ASTL: variants seen among roughly 807,000 people sequenced by gnomAD.
The protein encoded by ASTL is astacin like metalloendopeptidase.
Under a neutral mutation model 36.7 loss-of-function variants are expected in ASTL, and 27 were observed. The ratio of observed to expected loss-of-function variants is 0.73; its 90% CI spans 0.54 to 1.01. The LOEUF is 1.01. ASTL is among the 50% of genes least tolerant of loss of function. The pLI is 0.00. For missense variants in ASTL, 524 were observed against 572.8 expected (o/e 0.91, Z 0.87); for synonymous variants, 222 against 228.1 (o/e 0.97, Z 0.24).
chr2:96,123,923 G>A lies in ASTL; in HGVS notation c.1223C>T (p.Pro408Leu). 1.2e-6 allele frequency: 2 copies of A among 1,614,018 alleles called. No homozygotes were observed. The highest frequency in any genetic ancestry group is 1.7e-6 in the Non-Finnish European group (2 of 1,179,968). Reference sequence around the variant, plus strand: ...TGGCAGAGCTGGGCTTCCCTGGACAGGGACTGGCTGGATTCCTGCTTCTGA... The same window carrying A: ...TGGCAGAGCTGGGCTTCCCTGGACAAGGACTGGCTGGATTCCTGCTTCTGA... ...PSSEAGIQPV[P>L]VQGSPALPGG... Residue 408 changes from proline (P) to leucine (L), a missense_variant, in exon 9 of 9, where the codon CCT (proline) becomes CTT (leucine). Transcript: ENST00000342380.
chr2:96,137,711 C>G lies in ASTL; in HGVS notation c.56-11G>C. ...CTCCTAGGATCACACCTGGTCCAGA[C>G]AGACAGGGGCATACACAGATGCCTG... On this transcript the variant is annotated splice_polypyrimidine_tract_variant and intron_variant, in intron 1 of 8. Coordinates refer to ENST00000342380, the MANE Select transcript of ASTL (RefSeq NM_001002036.4). The G allele has an allele frequency of 6.2e-7, 1 of 1,609,452 alleles. No homozygotes were observed. The highest frequency in any genetic ancestry group is 1.7e-5 in the Admixed American group (1 of 59,898).
chr2:96,138,507 C>T (rs1198999920), upstream of ASTL: 2 of 1,304,764 alleles, frequency 1.5e-6, no homozygotes, highest in African/African-American at 2.9e-5. Flanking sequence ...AATTGCAGAA[C>T]CGGCACCACC....
chr2:96,124,856 G>C lies in ASTL; in HGVS notation c.875-585C>G, dbSNP rs549333943. 6.6e-6 allele frequency among the ~76,000 whole-genome samples: 1 copy of C among 152,236 alleles called. No homozygotes were observed. The highest frequency in any genetic ancestry group is 1.9e-4 in the East Asian group (1 of 5,176). ...CATCCCAGTTCCTCCTGCGCATGCAGCGAGGGCTTCACCAGGAGCCTCTTC... is the reference window on the plus strand; with the variant it reads ...CATCCCAGTTCCTCCTGCGCATGCACCGAGGGCTTCACCAGGAGCCTCTTC... On this transcript the variant is annotated intron_variant, in intron 8 of 8. Transcript: ENST00000342380. The surrounding 1 kb of genome is among the most constrained non-coding windows in gnomAD (Gnocchi z 4.1).
intron 5 of ASTL, among the ~76,000 whole-genome samples, chr2:96,133,180 C>A (rs1682220805): frequency 6.6e-6 from 1 of 152,192 alleles, no homozygotes. Flanking sequence ...AACCTCCTCT[C>A]CTCACCACCT....
At chr2:96,126,505 C>T (rs938207299) in intron 8 of ASTL, among the ~76,000 whole-genome samples, 2 of 152,258 alleles carry the variant, frequency 1.3e-5, no homozygotes, top group African/African-American at 4.8e-5. Flanking sequence ...GAAGTGTCAG[C>T]AAGGATGGGA....
Position 96,132,665 on chromosome 2 carries a change from G to A in ASTL, c.512C>T (p.Thr171Met), listed in dbSNP as rs200103398. The change falls in exon 6 of 9, where the codon ACG becomes ATG. Residue 171 changes from threonine to methionine, a missense_variant. Transcript: ENST00000342380. This position sits in a 1 kb window ranked among gnomAD's most constrained non-coding sequence, Gnocchi z 5.4. Reference protein sequence around the residue: ...GGMQVVSLAPTCLQKGRGIVL... With the variant: ...GGMQVVSLAPMCLQKGRGIVL... ...AATGCCCCGGCCCTTCTGGAGACAC[G>A]TGGGCGCCAGGGAGACCACCTGCAT... The A allele has an allele frequency of 5.0e-5, 80 of 1,613,162 alleles. No individual in the cohort carries two copies. The highest frequency in any genetic ancestry group is 6.7e-5 in the East Asian group (3 of 44,878).
chr2:96,133,680 C>G, intron 4 of ASTL, 138 bp from the exon 5 acceptor site: 2 of 698,670 alleles, frequency 2.9e-6, no homozygotes, highest in Admixed American at 2.4e-5. Context: ...CAGGAAGAAG[C>G]TGGGCCCCAG....
chr2:96,138,311 C>T (rs1193587076), intron 1 of ASTL, 71 bp downstream of exon 1: 3 of 1,419,414 alleles, frequency 2.1e-6, no homozygotes, highest in East Asian at 2.4e-5. Context: ...GCTCCAGCCA[C>T]AACCTTCTAG....
Position 96,133,533 on chromosome 2 carries a change from C to T in ASTL, c.347G>A (p.Ser116Asn). 1 of 1,613,660 alleles carries T rather than the reference C, an allele frequency of 6.2e-7. No homozygotes were observed. Among genetic ancestry groups the T allele is most frequent in the Non-Finnish European group, 8.5e-7 (1 of 1,179,550 alleles). The change falls in exon 5 of 9, where the codon AGC becomes AAC. Residue 116 changes from serine (S) to asparagine (N), a missense_variant. Ser to Asn is a conservative substitution (Grantham distance 46). Coordinates refer to ENST00000342380, the MANE Select transcript of ASTL (RefSeq NM_001002036.4). ...AAGAGCCTCCAGGATGACCTGGCGG[C>T]TGGGCTCATCTGGAAGACACCACCT... ...FLLSSKYDEP[S>N]RQVILEALAE...
chr2:96,133,083 C>G (rs1573914734), intron 5 of ASTL, among the ~76,000 whole-genome samples: 1 of 152,222 alleles, frequency 6.6e-6, no homozygotes, highest in African/African-American at 2.4e-5. Flanking sequence ...GGTATCGCCA[C>G]CACTCGCACC....
In ASTL at chr2:96,134,039, G is replaced by A. The variant is rs1682243058; in HGVS notation, c.263C>T (p.Ser88Leu). The A allele has an allele frequency of 6.2e-7, 1 of 1,613,234 alleles. No homozygotes were observed. Among genetic ancestry groups the A allele is most frequent in the Non-Finnish European group, 8.5e-7 (1 of 1,179,356 alleles). The part of the protein sequence containing the change: ...IIRPSPFRLL[S>L]ATSNKWPMGG... ...CATGGGCCATTTGTTGCTGGTTGCT[G>A]ACAGCAGTCGGAAGGGACTCTGAGG... is the stretch of plus-strand genomic sequence containing the variant. Residue 88 changes from serine (S) to leucine (L), a missense_variant, in exon 4 of 9, where the codon TCA becomes TTA. Transcript: ENST00000342380.
intron 8 of ASTL, among the ~76,000 whole-genome samples, chr2:96,126,843 G>A (rs1173036168): frequency 1.3e-5 from 2 of 150,050 alleles, no homozygotes; most frequent in Non-Finnish European, 3.0e-5. Context: ...GCGACAGAGT[G>A]AGACTCCATC....
At chr2:96,135,273 G>T in intron 3 of ASTL, 78 bp downstream of exon 3, 1 of 1,204,918 alleles carries the variant, frequency 8.3e-7, no homozygotes, top group Non-Finnish European at 1.2e-6. Context: ...AGGCCCCATG[G>T]CATCCAGGGT....
Position 96,124,295 on chromosome 2 carries a change from G to A in ASTL, c.875-24C>T, listed in dbSNP as rs756941107. 1 of 1,497,234 alleles carries A rather than the reference G, an allele frequency of 6.7e-7. No individual in the cohort carries two copies. The highest frequency in any genetic ancestry group is 2.4e-5 in the Admixed American group (1 of 42,128). 92.7% of individuals were successfully genotyped at this position (1,497,234 alleles called of 1,614,324 possible). On this transcript the variant is annotated intron_variant, in intron 8 of 8. Transcript: ENST00000342380. This position sits in a 1 kb window ranked among gnomAD's most constrained non-coding sequence, Gnocchi z 4.1. ...CCCTGCAACAGAAAAGACAGGAGGT[G>A]GAACCTCAGAACTGTAGGATGACAT...
At position 96,124,905 on chromosome 2, in the gene ASTL, C is replaced by T. The variant is rs950855183; in HGVS notation, c.875-634G>A. The stretch of plus-strand genomic sequence containing the variant: ...TCCCTCAGCTGACCCTGACCAAATC[C>T]TCACTCCCACACTTCAACTGGTGAC... On this transcript the variant is annotated intron_variant, in intron 8 of 8. Transcript: ENST00000342380. The surrounding 1 kb of genome is among the most constrained non-coding windows in gnomAD (Gnocchi z 4.1). Among the ~76,000 whole-genome samples the T allele has an allele frequency of 2.0e-5, 3 of 152,172 alleles. No individual in the cohort carries two copies. The highest frequency in any genetic ancestry group is 6.5e-5 in the Admixed American group (1 of 15,284).
At chr2:96,128,225 T>C (rs916395878) in intron 8 of ASTL, among the ~76,000 whole-genome samples, 7 of 140,230 alleles carry the variant, frequency 5.0e-5, no homozygotes, top group African/African-American at 1.5e-4. Context: ...AGAGTGAAAC[T>C]GTCTCAAAAA....
chr2:96,137,542 C>A lies in ASTL; in HGVS notation c.181+33G>T, dbSNP rs201089480. Reference sequence around the variant, plus strand: ...TTTTCACACTACATAACGTCGTGCCCCTCCAGGCCGTGAGAAGATGTAGTG... The same window carrying A: ...TTTTCACACTACATAACGTCGTGCCACTCCAGGCCGTGAGAAGATGTAGTG... On this transcript the variant is annotated intron_variant, in intron 2 of 8. Transcript: ENST00000342380. 57 of 1,607,766 alleles carry A rather than the reference C, an allele frequency of 3.5e-5. No individual in the cohort carries two copies. In the East Asian group the frequency reaches 1.3e-3, roughly 35 times the overall value.
rs1003052639 is a variant in ASTL at position 96,123,017 on chromosome 2, G to A, written c.*833C>T. On this transcript the variant is annotated 3_prime_UTR_variant, in exon 9 of 9. Coordinates refer to ENST00000342380, the MANE Select transcript of ASTL (RefSeq NM_001002036.4). ...TGGGACAAACCTCATGGGGAAAGCC[G>A]GAGCTGGGGCAGAGGAGTAGGGCCT... 7.9e-5 allele frequency among the ~76,000 whole-genome samples: 12 copies of A among 152,228 alleles called. No homozygotes were observed. The highest frequency in any genetic ancestry group is 2.9e-4 in the African/African-American group (12 of 41,458).
intron 8 of ASTL, among the ~76,000 whole-genome samples, chr2:96,129,456 T>TA (rs1682124900): frequency 6.6e-6 from 1 of 152,194 alleles, no homozygotes; most frequent in African/African-American, 2.4e-5. Flanking sequence ...CTCGGACCTT[T>TA]AGTTTCTTTG....
Sources: gnomAD v4.1 joint callset for allele counts (sites outside exome capture counted in the v4.1 genomes callset) on GRCh38, gnomAD v4.1.1 for gene constraint, Gnocchi (gnomAD v3.1) non-coding constraint, MANE v1.5 for transcripts, NCBI Gene and HGNC (gene_info 2026-07-23, HGNC 2026-07-21) for gene names.